Variants in ASCC1 observed in about 807,000 individuals in gnomAD.
ASCC1 encodes activating signal cointegrator 1 complex subunit 1, also known as ASC-1 complex subunit P50.
In ASCC1, 35 loss-of-function variants were observed where a neutral mutation model predicts 46.6. The ratio of observed to expected loss-of-function variants is 0.75; its 90% CI spans 0.57 to 0.99. The LOEUF is 0.99. ASCC1 is among the 50% of genes least tolerant of loss of function. The pLI is 0.00. For synonymous variants in ASCC1, 143 were observed against 146.6 expected (o/e 0.98, Z 0.18); for missense variants, 376 against 428.7 (o/e 0.88, Z 1.09).
intron 5 of ASCC1, among the ~76,000 whole-genome samples, chr10:72,194,240 C>T (rs997108134): frequency 2.2e-4 from 33 of 150,450 alleles, no homozygotes; most frequent in African/African-American, 7.1e-4. Context: ...AGAACACTCC[C>T]AAAGAAAAAT....
intron 7 of ASCC1, among the ~76,000 whole-genome samples, chr10:72,141,104 G>C (rs1589316223): frequency 6.7e-6 from 1 of 148,584 alleles, no homozygotes. Context: ...TAGACATAGA[G>C]ATATAGATAT....
At chr10:72,174,446 C>T (rs545513312) in intron 5 of ASCC1, among the ~76,000 whole-genome samples, 2 of 152,236 alleles carry the variant, frequency 1.3e-5, no homozygotes, top group East Asian at 3.9e-4. Flanking sequence ...AAAGCTCAAC[C>T]ATCCTTTCCA....
intron 4 of ASCC1, among the ~76,000 whole-genome samples, chr10:72,202,557 A>G (rs1425192174): frequency 6.6e-6 from 1 of 152,192 alleles, no homozygotes; most frequent in Non-Finnish European, 1.5e-5. Flanking sequence ...TACATACAAC[A>G]AAAGCCTATG....
intron 6 of ASCC1, chr10:72,159,161 T>C (rs1211087319): frequency 2.0e-5 from 3 of 152,218 alleles, no homozygotes; most frequent in African/African-American, 7.2e-5. Flanking sequence ...CTGCAGATTT[T>C]TGGCAGGGTA....
At chr10:72,129,914 G>A (rs1342422772) in intron 8 of ASCC1, among the ~76,000 whole-genome samples, 1 of 149,706 alleles carries the variant, frequency 6.7e-6, no homozygotes, top group Non-Finnish European at 1.5e-5. Context: ...GCGGGAGGTG[G>A]AGGTTGCAGA....
At chr10:72,196,172 G>C (rs1855388905) in intron 5 of ASCC1, among the ~76,000 whole-genome samples, 1 of 151,860 alleles carries the variant, frequency 6.6e-6, no homozygotes, top group Non-Finnish European at 1.5e-5. Context: ...AATGAGCCAT[G>C]ACCGCCCAAA....
intron 9 of ASCC1, among the ~76,000 whole-genome samples, chr10:72,119,639 CACAACAGT>C (rs1231816471): frequency 1.3e-5 from 2 of 152,014 alleles, no homozygotes; most frequent in Non-Finnish European, 2.9e-5. Flanking sequence ...CTTACCATCA[CACAACAGT>C]ACATCATGTC....
chr10:72,140,616 T>C (rs1267647487), intron 7 of ASCC1, among the ~76,000 whole-genome samples: 2 of 152,212 alleles, frequency 1.3e-5, no homozygotes, highest in African/African-American at 2.4e-5. Flanking sequence ...TGTAAAATTA[T>C]ATGCATAGAC....
At chr10:72,197,047 G>GTATCAA in intron 4 of ASCC1, 58 bp from the exon 5 acceptor site, 1 of 1,568,052 alleles carries the variant, frequency 6.4e-7, no homozygotes. Flanking sequence ...TTATAAAACA[G>GTATCAA]GACCTCTTGA....
intron 5 of ASCC1, among the ~76,000 whole-genome samples, chr10:72,170,126 A>G (rs78971919): frequency 6.7e-6 from 1 of 149,414 alleles, no homozygotes; most frequent in East Asian, 1.9e-4. Flanking sequence ...GTCTCAAAGA[A>G]AAAAAAAAAA....
At chr10:72,117,348 C>T (rs1843613486) in intron 9 of ASCC1, among the ~76,000 whole-genome samples, 1 of 152,148 alleles carries the variant, frequency 6.6e-6, no homozygotes, top group Non-Finnish European at 1.5e-5. Flanking sequence ...GTACCTTCTT[C>T]CAGAGATTTC....
intron 8 of ASCC1, among the ~76,000 whole-genome samples, chr10:72,131,392 G>A (rs575980645): frequency 1.3e-5 from 2 of 151,610 alleles, no homozygotes; most frequent in African/African-American, 4.8e-5. Context: ...GCACACTCCG[G>A]CCTGGGCGAC....
At chr10:72,158,672 C>G (rs1367503872) in intron 6 of ASCC1, among the ~76,000 whole-genome samples, 2 of 152,178 alleles carry the variant, frequency 1.3e-5, no homozygotes, top group Non-Finnish European at 1.5e-5. Flanking sequence ...TATAGCCATA[C>G]AGCTCCACAG....
At chr10:72,168,758 A>C (rs1228642729) in intron 5 of ASCC1, among the ~76,000 whole-genome samples, 1 of 152,216 alleles carries the variant, frequency 6.6e-6, no homozygotes. Flanking sequence ...CACAGAGAAA[A>C]GGCCGGCAAA....
intron 5 of ASCC1, 33 bp from the exon 6 acceptor site, chr10:72,161,707 G>A: frequency 1.2e-6 from 2 of 1,613,646 alleles, no homozygotes; most frequent in Non-Finnish European, 1.7e-6. Flanking sequence ...AAGAAACTCA[G>A]CCCATACAAA....
intron 7 of ASCC1, among the ~76,000 whole-genome samples, chr10:72,145,261 A>G (rs181073955): frequency 3.0e-4 from 45 of 152,182 alleles, no homozygotes; most frequent in Non-Finnish European, 1.2e-4. Context: ...CTTTTTATGT[A>G]TTGTTTGCAT....
At chr10:72,174,546 C>T (rs1851631663) in intron 5 of ASCC1, among the ~76,000 whole-genome samples, 1 of 152,206 alleles carries the variant, frequency 6.6e-6, no homozygotes, top group Non-Finnish European at 1.5e-5. Flanking sequence ...TAAGCTCACA[C>T]TCCACTACAT....
At chr10:72,178,387 C>A (rs917689778) in intron 5 of ASCC1, among the ~76,000 whole-genome samples, 1 of 152,088 alleles carries the variant, frequency 6.6e-6, no homozygotes, top group Non-Finnish European at 1.5e-5. Flanking sequence ...GAGATTATCC[C>A]AATGAGACTA....
chr10:72,211,033 T>C (rs761666944), intron 2 of ASCC1, among the ~76,000 whole-genome samples: 33 of 152,158 alleles, frequency 2.2e-4, no homozygotes, highest in Non-Finnish European at 3.8e-4. Flanking sequence ...AAAAAACACA[T>C]AATGACTATT....
Sources: allele counts gnomAD v4.1 joint callset (sites outside exome capture counted in the v4.1 genomes callset), GRCh38; gene constraint gnomAD v4.1.1; transcripts MANE v1.5; gene names NCBI Gene and HGNC (gene_info 2026-07-23, HGNC 2026-07-21).